WAPL: variants seen among roughly 807,000 people sequenced by gnomAD.
WAPL encodes the protein WAPL cohesin release factor.
WAPL carries 5 observed loss-of-function variants against 121.0 expected under a neutral mutation model. That is an observed-to-expected ratio of 0.04 (90% CI 0.02 to 0.09). The LOEUF is 0.09. Among genes scored for constraint, WAPL ranks in the 10% least tolerant of loss-of-function variants. The pLI, the probability that WAPL is intolerant of heterozygous loss-of-function variation, is 1.00. For missense variants in WAPL, 999 were observed against 1,410.8 expected (o/e 0.71, Z 4.68); for synonymous variants, 480 against 481.5 (o/e 1.00, Z 0.04).
chr10:86,448,387 G>A (rs1163957612), intron 15 of WAPL, among the ~76,000 whole-genome samples: 1 of 152,164 alleles, frequency 6.6e-6, no homozygotes, highest in Non-Finnish European at 1.5e-5. Context: ...GGAGGTAAAG[G>A]CTGTAGTGAG....
intron 15 of WAPL, among the ~76,000 whole-genome samples, chr10:86,449,039 C>CT (rs148178520): frequency 6.6e-6 from 1 of 152,130 alleles, no homozygotes; most frequent in South Asian, 2.1e-4. Flanking sequence ...CTGGATCTGA[C>CT]TTTTTTTCCC....
At chr10:86,506,208 C>A (rs754903172) in intron 2 of WAPL, among the ~76,000 whole-genome samples, 1 of 152,168 alleles carries the variant, frequency 6.6e-6, no homozygotes, top group African/African-American at 2.4e-5. Context: ...GTACTCCAGT[C>A]TGGGCAACAG....
In WAPL at chr10:86,453,830, C is replaced by T; in HGVS notation, c.2659G>A (p.Ala887Thr). ...ATCAGTTCTTCACAATGCTGTAATG[C>T]TCTTAAAAGGAAATAAAATATAGAC... ...DSQLIVSSAK[A>T]LQHCEELIQQ... is the part of the protein sequence containing the mutation. The change falls in exon 13 of 19, where the codon GCA (alanine) becomes ACA (threonine). Residue 887 changes from alanine (A) to threonine (T), a missense_variant and splice_region_variant. Ala to Thr is a moderately conservative substitution (Grantham distance 58). Around this residue, in one of 7 missense-constraint regions of WAPL, gnomAD observed 118 missense variants for 318.3 expected, o/e 0.37. Coordinates refer to ENST00000298767, the MANE Select transcript of WAPL (RefSeq NM_015045.5). The T allele has an allele frequency of 6.3e-7, 1 of 1,596,570 alleles. No individual in the cohort carries two copies. The highest frequency in any genetic ancestry group is 8.5e-7 in the Non-Finnish European group (1 of 1,173,312).
intron 12 of WAPL, among the ~76,000 whole-genome samples, chr10:86,457,121 A>G (rs1841167022): frequency 6.6e-6 from 1 of 152,182 alleles, no homozygotes; most frequent in African/African-American, 2.4e-5. Flanking sequence ...GAAATCAGAA[A>G]CATTTAACTT....
chr10:86,514,610 T>C (rs979036164), intron 2 of WAPL, among the ~76,000 whole-genome samples: 5 of 152,180 alleles, frequency 3.3e-5, no homozygotes, highest in African/African-American at 1.2e-4. Context: ...GTCCACAGTA[T>C]CAGCATTAGA....
At chr10:86,465,625 T>TAC in intron 9 of WAPL, among the ~76,000 whole-genome samples, 1 of 152,326 alleles carries the variant, frequency 6.6e-6, no homozygotes, top group African/African-American at 2.4e-5. Context: ...AACCTTGATG[T>TAC]ACACTGCAAT....
At chr10:86,458,334 T>C (rs1841198339) in intron 12 of WAPL, among the ~76,000 whole-genome samples, 1 of 152,194 alleles carries the variant, frequency 6.6e-6, no homozygotes, top group African/African-American at 2.4e-5. Flanking sequence ...TTGGGAATTT[T>C]ACCTGCAAGG....
chr10:86,504,591 C>A (rs1450216191), intron 2 of WAPL, among the ~76,000 whole-genome samples: 2 of 150,314 alleles, frequency 1.3e-5, no homozygotes, highest in Admixed American at 6.7e-5. Context: ...GCAGAAGAAT[C>A]GCTTGAACCT....
At chr10:86,494,626 A>G (rs1842116516) in intron 4 of WAPL, among the ~76,000 whole-genome samples, 1 of 152,208 alleles carries the variant, frequency 6.6e-6, no homozygotes, top group African/African-American at 2.4e-5. Flanking sequence ...ATACTGTATA[A>G]TGAAATGTGT....
At chr10:86,479,107 A>AAAAACAAACAAAAAAAAC (rs1311975505) in intron 4 of WAPL, among the ~76,000 whole-genome samples, 4 of 150,696 alleles carry the variant, frequency 2.7e-5, no homozygotes, top group Non-Finnish European at 5.9e-5. Context: ...TCAAAAAAAC[A>AAAAACAAACAAAAAAAAC]AAAACAAACA....
At chr10:86,495,553 C>T (rs34299278) in intron 4 of WAPL, among the ~76,000 whole-genome samples, 2,894 of 151,766 alleles carry the variant, frequency 0.019, 74 homozygotes, top group African/African-American at 0.052. Flanking sequence ...CTAAACGTAA[C>T]GACCTAAAAC....
At position 86,496,774 on chromosome 10, in the gene WAPL, C is replaced by T. The variant is rs530379910; in HGVS notation, c.1644+427G>A. Among the ~76,000 whole-genome samples, 23 of 152,174 alleles carry T rather than the reference C, an allele frequency of 1.5e-4. No homozygotes were observed. The East Asian group carries it at 2.7e-3, about 18-fold the overall frequency. On this transcript the variant is annotated intron_variant, in intron 4 of 18. Coordinates refer to ENST00000298767, the MANE Select transcript of WAPL (RefSeq NM_015045.5). ...AAATAAACCAGATTCATACAATGTTCGTCCTTTTGTATCTGGTTTATGATG... is the reference window on the plus strand; with the variant it reads ...AAATAAACCAGATTCATACAATGTTTGTCCTTTTGTATCTGGTTTATGATG...
chr10:86,449,545 T>C (rs891681327), intron 15 of WAPL, among the ~76,000 whole-genome samples: 1 of 152,232 alleles, frequency 6.6e-6, no homozygotes, highest in African/African-American at 2.4e-5. Context: ...CTGGAAGTGA[T>C]ATTCCCAGGT....
chr10:86,492,978 G>A (rs1008227942), intron 4 of WAPL, among the ~76,000 whole-genome samples: 3 of 151,728 alleles, frequency 2.0e-5, no homozygotes, highest in South Asian at 2.1e-4. Flanking sequence ...GGAGAATGGC[G>A]TGAATCCAGG....
intron 12 of WAPL, among the ~76,000 whole-genome samples, chr10:86,454,486 T>A (rs1373748359): frequency 6.6e-6 from 1 of 152,188 alleles, no homozygotes; most frequent in Non-Finnish European, 1.5e-5. Flanking sequence ...TGCCTGATTC[T>A]CCTGCCTCAG....
intron 4 of WAPL, among the ~76,000 whole-genome samples, chr10:86,482,849 C>A (rs1200340693): frequency 6.6e-6 from 1 of 152,084 alleles, no homozygotes; most frequent in Non-Finnish European, 1.5e-5. Context: ...GGATTTTGGT[C>A]AAAGGGTAGA....
intron 17 of WAPL, among the ~76,000 whole-genome samples, chr10:86,438,651 G>C (rs1170889778): frequency 1.3e-5 from 2 of 152,202 alleles, no homozygotes; most frequent in Non-Finnish European, 2.9e-5. Flanking sequence ...TAGGAGAAGA[G>C]GGTGAGGACT....
intron 17 of WAPL, among the ~76,000 whole-genome samples, chr10:86,440,888 A>AAC (rs1554825375): frequency 1.3e-5 from 2 of 151,426 alleles, no homozygotes; most frequent in Non-Finnish European, 2.9e-5. Context: ...AAGTGAAAAA[A>AAC]AAAAAAAAAG....
At chr10:86,504,505 T>A (rs1270934998) in intron 2 of WAPL, among the ~76,000 whole-genome samples, 1 of 104,892 alleles carries the variant, frequency 9.5e-6, no homozygotes, top group Admixed American at 1.0e-4. Context: ...TGACACCCCA[T>A]CTCTACTAAA....
Sources: allele counts gnomAD v4.1 joint callset (sites outside exome capture counted in the v4.1 genomes callset), GRCh38; gene constraint gnomAD v4.1.1; regional missense constraint gnomAD v4.1.1; transcripts MANE v1.5; gene names NCBI Gene and HGNC (gene_info 2026-07-23, HGNC 2026-07-21).